BMP2K: variants seen among roughly 807,000 people sequenced by gnomAD.
BMP2K encodes BMP2 inducible kinase, also known as BMP-2-inducible protein kinase.
In BMP2K, 74 loss-of-function variants were observed where a neutral mutation model predicts 116.0. The ratio of observed to expected loss-of-function variants is 0.64; its 90% confidence interval spans 0.53 to 0.77. BMP2K has a LOEUF of 0.77. Among genes scored for constraint, BMP2K ranks in the 30% least tolerant of loss-of-function variants. BMP2K has a pLI of 0.00. For missense variants in BMP2K, 1,365 were observed against 1,403.6 expected, an observed-to-expected ratio of 0.97 and a Z score of 0.44; for synonymous variants, 486 against 502.5, an observed-to-expected ratio of 0.97 and a Z score of 0.44.
At chr4:78,890,487 G>T (rs1231447861) in intron 15 of BMP2K, among the ~76,000 whole-genome samples, 2 of 152,032 alleles carry the variant, frequency 1.3e-5, no homozygotes, top group African/African-American at 4.8e-5. Context: ...TCAGTGTTCA[G>T]TGTCTACATT....
rs1008671384 is a variant in BMP2K at position 78,886,707 on chromosome 4, C to CA, written c.1952-460dup. On this transcript the variant is annotated intron_variant, in intron 14 of 15. Transcript: ENST00000502613. Reference sequence around the variant, plus strand: ...AATGGTTTGATAGTACAAAGTAGTACAAAAAAAGAACAAAAAAGTAAGATA... The same window carrying CA: ...AATGGTTTGATAGTACAAAGTAGTACAAAAAAAAGAACAAAAAAGTAAGATA... 3.8e-4 allele frequency among the ~76,000 whole-genome samples: 57 copies of CA among 151,496 alleles called. 1 individual carries two copies. Among genetic ancestry groups the CA allele is most frequent in the African/African-American group, 1.0e-3 (43 of 41,300 alleles).
At chr4:78,796,283 A>C (rs1728269058) in intron 1 of BMP2K, among the ~76,000 whole-genome samples, 1 of 151,556 alleles carries the variant, frequency 6.6e-6, no homozygotes, top group Admixed American at 6.6e-5. Flanking sequence ...AACTATTGCA[A>C]GAACAGAAAA....
Position 78,911,327 on chromosome 4 carries a change from A to G in BMP2K, c.2780A>G (p.Lys927Arg), listed in dbSNP as rs757058341. 1.1e-5 allele frequency: 17 copies of G among 1,613,930 alleles called. No homozygotes were observed. Among genetic ancestry groups the G allele is most frequent in the Non-Finnish European group, 1.4e-5 (17 of 1,179,850 alleles). The change falls in exon 16 of 16, where the codon AAA becomes AGA. Residue 927 changes from lysine (K) to arginine (R), a missense_variant. Transcript: ENST00000502613. ...GCACATACTATCCCTGGTTATCCCA[A>G]AAGTGTAGATGTATTTGGCTCCACT... is the stretch of plus-strand genomic sequence containing the variant. ...PEAHTIPGYP[K>R]SVDVFGSTPF...
intron 10 of BMP2K, among the ~76,000 whole-genome samples, chr4:78,869,836 C>G (rs904954418): frequency 4.5e-4 from 68 of 152,210 alleles, no homozygotes; most frequent in African/African-American, 1.5e-3. Context: ...AATGAACATG[C>G]ATTTCCTTAT....
rs747711091 is a variant in BMP2K, at chr4:78,792,507, C to G, written c.178+15786C>G. Among the ~76,000 whole-genome samples the G allele has an allele frequency of 9.8e-4, 149 of 152,170 alleles. 1 individual carries two copies. In the Middle Eastern group the frequency reaches 0.01, roughly 10 times the overall value. ...TTCTTAAAAGATGATCCTGTCACTT[C>G]GAGGAAAACAAATTACACATCTTAT... On this transcript the variant is annotated intron_variant, in intron 1 of 15. Coordinates refer to ENST00000502613, the MANE Select transcript of BMP2K (RefSeq NM_198892.2).
chr4:78,908,596 A>G (rs1412581336), intron 15 of BMP2K, among the ~76,000 whole-genome samples: 2 of 152,030 alleles, frequency 1.3e-5, no homozygotes, highest in Admixed American at 6.6e-5. Flanking sequence ...TCCCAAATCT[A>G]TTTTCTTCAG....
intron 1 of BMP2K, among the ~76,000 whole-genome samples, chr4:78,793,144 G>C (rs1578470790): frequency 6.6e-6 from 1 of 152,126 alleles, no homozygotes; most frequent in East Asian, 1.9e-4. Flanking sequence ...GGGTGCGGTG[G>C]CTCAAGCCTG....
chr4:78,893,548 T>C (rs1211832868), intron 15 of BMP2K, among the ~76,000 whole-genome samples: 4 of 152,234 alleles, frequency 2.6e-5, no homozygotes, highest in Non-Finnish European at 5.9e-5. Flanking sequence ...GTTATAACCT[T>C]ATGAAATGTA....
chr4:78,893,168 C>G (rs1342441676), intron 15 of BMP2K, among the ~76,000 whole-genome samples: 1 of 152,210 alleles, frequency 6.6e-6, no homozygotes, highest in Admixed American at 6.5e-5. Context: ...GTCATTTCAG[C>G]AGTGTTCACA....
chr4:78,820,352 T>C (rs1356111645), intron 1 of BMP2K, among the ~76,000 whole-genome samples: 1 of 152,206 alleles, frequency 6.6e-6, no homozygotes, highest in Non-Finnish European at 1.5e-5. Context: ...TTTCTTGTTA[T>C]CTTGAGCCTT....
rs1006853253 is a variant in BMP2K, at chr4:78,915,696, A to G, written c.*3663A>G. ...TTAATGTGAATTTTTAAAAAATGGA[A>G]TTGCAACCACAATCATATCTAAGAG... On this transcript the variant is annotated 3_prime_UTR_variant, in exon 16 of 16. Coordinates refer to ENST00000502613, the MANE Select transcript of BMP2K (RefSeq NM_198892.2). 1 of 151,980 alleles carries G rather than the reference A, an allele frequency of 6.6e-6. No individual in the cohort carries two copies. Among genetic ancestry groups the G allele is most frequent in the African/African-American group, 2.4e-5 (1 of 41,436 alleles). 9.4% of individuals were successfully genotyped at this position (151,980 alleles called of 1,614,324 possible).
intron 1 of BMP2K, among the ~76,000 whole-genome samples, chr4:78,818,335 C>T (rs1056560320): frequency 6.6e-6 from 1 of 152,122 alleles, no homozygotes; most frequent in Admixed American, 6.5e-5. Flanking sequence ...TGAGGAATCG[C>T]CACACTGTCT....
intron 14 of BMP2K, among the ~76,000 whole-genome samples, chr4:78,882,720 G>A (rs927223947): frequency 7.9e-5 from 12 of 151,784 alleles, no homozygotes; most frequent in Non-Finnish European, 1.3e-4. Flanking sequence ...ATTTGTTTCT[G>A]CTTAAAATTG....
chr4:78,840,947 T>C (rs1730730952), intron 3 of BMP2K, among the ~76,000 whole-genome samples: 1 of 152,190 alleles, frequency 6.6e-6, no homozygotes, highest in African/African-American at 2.4e-5. Flanking sequence ...TTTTTTATTC[T>C]GTTTAATTAT....
chr4:78,778,908 C>A (rs935457398), intron 1 of BMP2K, among the ~76,000 whole-genome samples: 1 of 152,162 alleles, frequency 6.6e-6, no homozygotes, highest in Non-Finnish European at 1.5e-5. Flanking sequence ...CTAAGATAGA[C>A]CAAAGCACAG....
At chr4:78,850,888 G>A in intron 6 of BMP2K, 36 bp from the exon 7 acceptor site, 1 of 1,596,822 alleles carries the variant, frequency 6.3e-7, no homozygotes, top group Non-Finnish European at 8.5e-7. Context: ...TTGTTAACTT[G>A]AGCTCTAATG....
In BMP2K at chr4:78,833,659, A is replaced by C; in HGVS notation, c.375A>C (p.Glu125Asp). 6.2e-7 allele frequency: 1 copy of C among 1,606,862 alleles called. No homozygotes were observed. The highest frequency in any genetic ancestry group is 8.5e-7 in the Non-Finnish European group (1 of 1,177,908). Residue 125 changes from glutamate to aspartate, a missense_variant, in exon 3 of 16, where the codon GAA becomes GAC. This residue lies in a region of BMP2K where 762 missense variants were observed against 756.7 expected (regional missense o/e 1.01). Coordinates refer to ENST00000502613, the MANE Select transcript of BMP2K (RefSeq NM_198892.2). ...AVNSISDNVW[E>D]VLILMEYCRA... ...ATTCAATTAGTGATAATGTATGGGAAGTCCTTATCTTAATGGAATATTGTC... is the reference window on the plus strand; with the variant it reads ...ATTCAATTAGTGATAATGTATGGGACGTCCTTATCTTAATGGAATATTGTC...
Position 78,911,340 on chromosome 4 carries a change from A to G in BMP2K, c.2793A>G (p.Val931=). The change falls in exon 16 of 16, where the codon GTA becomes GTG. Residue 931 remains valine (V), a synonymous_variant. Coordinates refer to ENST00000502613, the MANE Select transcript of BMP2K (RefSeq NM_198892.2). ...CTGGTTATCCCAAAAGTGTAGATGT[A>G]TTTGGCTCCACTCCATTTCAGCCCT... ...TIPGYPKSVD[V]FGSTPFQPFL... is the part of the protein sequence containing the mutation. 6.2e-7 allele frequency: 1 copy of G among 1,613,578 alleles called. No homozygotes were observed. The highest frequency in any genetic ancestry group is 8.5e-7 in the Non-Finnish European group (1 of 1,179,758).
Position 78,801,851 on chromosome 4 carries a change from AC to A in BMP2K, c.179-24185del, listed in dbSNP as rs557219921. Among the ~76,000 whole-genome samples the A allele has an allele frequency of 2.8e-3, 431 of 152,260 alleles. 4 individuals are homozygous for A. Among genetic ancestry groups the A allele is most frequent in the South Asian group, 0.011 (53 of 4,820 alleles). On this transcript the variant is annotated intron_variant, in intron 1 of 15. Transcript: ENST00000502613. ...ATGATATGACATTGTTTGTGATTTTACATCTATCGTCACTTTTTAAAAAATC... is the reference window on the plus strand; with the variant it reads ...ATGATATGACATTGTTTGTGATTTTAATCTATCGTCACTTTTTAAAAAATC...
Sources: gnomAD v4.1 joint callset for allele counts (sites outside exome capture counted in the v4.1 genomes callset) on GRCh38, gnomAD v4.1.1 for gene constraint, gnomAD v4.1.1 regional missense constraint, MANE v1.5 for transcripts, NCBI Gene and HGNC (gene_info 2026-07-23, HGNC 2026-07-21) for gene names.